C6orf120: variants seen among roughly 807,000 people sequenced by gnomAD.
The protein encoded by C6orf120 is UPF0669 protein C6orf120.
For synonymous variants in C6orf120, 165 were observed against 123.1 expected (o/e 1.34, Z -2.25); for missense variants, 311 against 264.2 (o/e 1.18, Z -1.23).
rs138303623 is a variant in C6orf120 at position 169,703,074 on chromosome 6, G to A, written c.*39G>A. Reference sequence around the variant, plus strand: ...CTCTGGGATATAAAACCCTCCATCTGTGAAGCTGATTGCAGTTTGCTGTGA... The same window carrying A: ...CTCTGGGATATAAAACCCTCCATCTATGAAGCTGATTGCAGTTTGCTGTGA... On this transcript the variant is annotated 3_prime_UTR_variant, in exon 1 of 1. Transcript: ENST00000332290. The A allele has an allele frequency of 2.6e-6, 4 of 1,524,944 alleles. No homozygotes were observed. The East Asian group carries it at 7.4e-5, about 28-fold the overall frequency. 94.5% of individuals were successfully genotyped at this position (1,524,944 alleles called of 1,614,324 possible).
chr6:169,705,599 GAC>G (rs1479780066), downstream of C6orf120: 2 of 1,212,040 alleles, frequency 1.7e-6, no homozygotes, highest in African/African-American at 3.0e-5. Context: ...ATTTTAAAAA[GAC>G]ATTTCAATAC....
chr6:169,705,057 C>A, downstream of C6orf120: 1 of 1,092,842 alleles, frequency 9.2e-7, no homozygotes, highest in South Asian at 1.7e-5. Flanking sequence ...GTCATGATAG[C>A]GTTTATGCAG....
chr6:169,705,599 G>A, downstream of C6orf120: 1 of 1,212,158 alleles, frequency 8.2e-7, no homozygotes, highest in South Asian at 1.2e-5. Context: ...ATTTTAAAAA[G>A]ACATTTCAAT....
At chr6:169,706,222 T>TA (rs977590754), downstream of C6orf120, among the ~76,000 whole-genome samples, 12 of 151,784 alleles carry the variant, frequency 7.9e-5, no homozygotes, top group East Asian at 1.3e-3. Flanking sequence ...TAGTGGTATT[T>TA]AAAAAAAAAT....
exon 1 of C6orf120, chr6:169,703,822 G>A: frequency 1.8e-6 from 1 of 566,532 alleles, no homozygotes; most frequent in Admixed American, 4.1e-5. Context: ...AAAATACTTT[G>A]GAAGATGAAT....
exon 1 of C6orf120, chr6:169,702,459 C>T (rs749786799): frequency 5.2e-6 from 8 of 1,530,578 alleles, no homozygotes; most frequent in Non-Finnish European, 7.1e-6. Context: ...AGCCGCCAGC[C>T]ATGGCCGCTC....
At chr6:169,702,220 GCCCTGCCCCTGC>G (rs200117070) in exon 1 of C6orf120, 52 of 687,132 alleles carry the variant, frequency 7.6e-5, no homozygotes, top group South Asian at 2.1e-4. Flanking sequence ...TGCCACAGCG[GCCCTGCCCCTGC>G]CCCTGCCCCT....
At position 169,704,085 on chromosome 6, in the gene C6orf120, C is replaced by A. The variant is rs148902304; in HGVS notation, c.*1050C>A. On this transcript the variant is annotated 3_prime_UTR_variant, in exon 1 of 1. Coordinates refer to ENST00000332290, the Ensembl canonical transcript of C6orf120. Reference sequence around the variant, plus strand: ...CCGCTGACAACAGTCACAAATCCAGCGACCTAGGAAAAAAATTGTTAATAT... The same window carrying A: ...CCGCTGACAACAGTCACAAATCCAGAGACCTAGGAAAAAAATTGTTAATAT... 2 of 1,573,274 alleles carry A rather than the reference C, an allele frequency of 1.3e-6. No homozygotes were observed. The highest frequency in any genetic ancestry group is 2.2e-5 in the Admixed American group (1 of 46,462).
At chr6:169,703,845 G>T (rs1186884248) in exon 1 of C6orf120, 8 of 597,946 alleles carry the variant, frequency 1.3e-5, no homozygotes, top group Non-Finnish European at 2.3e-5. Flanking sequence ...TCTACCTGGA[G>T]TTAGTTTCGA....
exon 1 of C6orf120, chr6:169,703,826 G>C (rs1788625752): frequency 3.5e-6 from 2 of 571,022 alleles, no homozygotes; most frequent in Non-Finnish European, 6.1e-6. Context: ...TACTTTGGAA[G>C]ATGAATTCTC....
At chr6:169,704,833 T>C (rs1158870975) in exon 1 of C6orf120, 1 of 255,774 alleles carries the variant, frequency 3.9e-6, no homozygotes, top group African/African-American at 2.2e-5. Context: ...TCTAAATAGA[T>C]AACATATAAA....
exon 1 of C6orf120, chr6:169,704,121 ATTATCT>A (rs757200406): frequency 4.4e-5 from 67 of 1,526,748 alleles, no homozygotes; most frequent in Non-Finnish European, 5.3e-5. Flanking sequence ...AGAATGAAAA[ATTATCT>A]TTACAGGACT....
chr6:169,702,161 G>C (rs571618117), upstream of C6orf120: 1 of 632,038 alleles, frequency 1.6e-6, no homozygotes, highest in Admixed American at 2.1e-5. Flanking sequence ...CCTCGGGTCC[G>C]GATGTATAAA....
exon 1 of C6orf120, chr6:169,704,022 T>C (rs777474030): frequency 2.5e-6 from 4 of 1,601,566 alleles, no homozygotes; most frequent in Non-Finnish European, 3.4e-6. Flanking sequence ...TTTGCTGTTT[T>C]TCCCCCTTCT....
At chr6:169,704,302 A>G (rs1788693982) in exon 1 of C6orf120, 2 of 501,598 alleles carry the variant, frequency 4.0e-6, no homozygotes, top group South Asian at 7.8e-5. Context: ...GTCAAGGGGG[A>G]TGGGAGAGAT....
At chr6:169,702,549 G>C (rs754274601) in exon 1 of C6orf120, 1 of 1,612,470 alleles carries the variant, frequency 6.2e-7, no homozygotes, top group Admixed American at 1.7e-5. Flanking sequence ...GAAGCTGCGC[G>C]GACGAGGAGG....
chr6:169,702,641 A>G, exon 1 of C6orf120: 18 of 1,613,354 alleles, frequency 1.1e-5, no homozygotes, highest in Non-Finnish European at 1.4e-5. Flanking sequence ...CGGCTGAACC[A>G]CGAGGGCAAG....
At chr6:169,702,657 C>G in exon 1 of C6orf120, 1 of 1,613,452 alleles carries the variant, frequency 6.2e-7, no homozygotes, top group Non-Finnish European at 8.5e-7. Flanking sequence ...GCAAGATAGT[C>G]CTCAGGATGC....
exon 1 of C6orf120, chr6:169,703,162 G>A (rs1788524998): frequency 9.7e-7 from 1 of 1,034,902 alleles, no homozygotes; most frequent in African/African-American, 1.6e-5. Context: ...GAAAAATAAA[G>A]CCATACGCAG....
Sources: gnomAD v4.1 joint callset for allele counts (sites outside exome capture counted in the v4.1 genomes callset) on GRCh38, gnomAD v4.1.1 for gene constraint, MANE v1.5 for transcripts, NCBI Gene and HGNC (gene_info 2026-07-23, HGNC 2026-07-21) for gene names.